Variants in DNAAF11 observed in about 807,000 individuals in gnomAD.
The protein encoded by DNAAF11 is leucine rich repeat containing 6.
DNAAF11 carries 45 observed loss-of-function variants against 60.8 expected under a neutral mutation model. That is an observed-to-expected ratio of 0.74 (90% CI 0.58 to 0.95). DNAAF11 has a LOEUF of 0.95. Among genes scored for constraint, DNAAF11 ranks in the 40% least tolerant of loss-of-function variants. DNAAF11 has a pLI of 0.00. For missense variants in DNAAF11, 546 were observed against 546.2 expected (o/e 1.00, Z 0.00); for synonymous variants, 191 against 183.5 (o/e 1.04, Z -0.33).
upstream of DNAAF11, among the ~76,000 whole-genome samples, chr8:132,679,176 C>G (rs1748491895): frequency 6.6e-6 from 1 of 152,210 alleles, no homozygotes; most frequent in Admixed American, 6.5e-5. Context: ...TAATTCTATA[C>G]TGCATCATTT....
intron 3 of DNAAF11, among the ~76,000 whole-genome samples, chr8:132,655,015 G>A (rs1383967793): frequency 1.3e-5 from 2 of 151,500 alleles, no homozygotes; most frequent in South Asian, 2.1e-4. Context: ...ACCGTTAGCT[G>A]CACATTAACC....
chr8:132,674,948 G>A (rs546030400), intron 1 of DNAAF11, among the ~76,000 whole-genome samples: 37 of 152,312 alleles, frequency 2.4e-4, no homozygotes, highest in African/African-American at 8.7e-4. Flanking sequence ...TAGTATGATT[G>A]CCATTATTTT....
intron 1 of DNAAF11, among the ~76,000 whole-genome samples, chr8:132,662,755 A>G (rs761216749): frequency 6.6e-6 from 1 of 152,202 alleles, no homozygotes; most frequent in African/African-American, 2.4e-5. Flanking sequence ...ACTATGCTCC[A>G]CTGTCTCAAG....
At chr8:132,683,198 G>A in the DNAAF11 span, among the ~76,000 whole-genome samples, 1 of 152,136 alleles carries the variant, frequency 6.6e-6, no homozygotes, top group Non-Finnish European at 1.5e-5. Context: ...TGAAGCAGGG[G>A]TCAATGACCA....
At chr8:132,597,557 T>G (rs1817148395) in intron 10 of DNAAF11, among the ~76,000 whole-genome samples, 2 of 152,158 alleles carry the variant, frequency 1.3e-5, no homozygotes, top group African/African-American at 4.8e-5. Flanking sequence ...ATTATTTAAG[T>G]GACATTTGTT....
intron 5 of DNAAF11, among the ~76,000 whole-genome samples, chr8:132,628,935 G>GA (rs1820538356): frequency 1.3e-5 from 2 of 152,142 alleles, no homozygotes; most frequent in African/African-American, 2.4e-5. Flanking sequence ...AAAACACCAG[G>GA]AAAAAATACA....
chr8:132,583,491 T>C (rs548045979), intron 11 of DNAAF11, among the ~76,000 whole-genome samples: 1 of 152,318 alleles, frequency 6.6e-6, no homozygotes, highest in South Asian at 2.1e-4. Flanking sequence ...CATTGGGACC[T>C]GTATATACAC....
At chr8:132,637,898 T>C in intron 4 of DNAAF11, 37 bp downstream of exon 4, 2 of 1,554,372 alleles carry the variant, frequency 1.3e-6, no homozygotes, top group Non-Finnish European at 1.7e-6. Flanking sequence ...CTCATGCTCA[T>C]TTATCTGTGA....
chr8:132,640,767 T>C (rs750456580), intron 3 of DNAAF11, among the ~76,000 whole-genome samples: 1 of 151,972 alleles, frequency 6.6e-6, no homozygotes, highest in African/African-American at 2.4e-5. Flanking sequence ...AATCTCCTTA[T>C]AAACTGATTA....
At chr8:132,680,512 T>A (rs930055742), upstream of DNAAF11, among the ~76,000 whole-genome samples, 5 of 152,096 alleles carry the variant, frequency 3.3e-5, no homozygotes, top group Admixed American at 3.3e-4. Flanking sequence ...TAATTTCTTA[T>A]TTTTTTATGA....
rs771394029 is a variant in DNAAF11, at chr8:132,615,073, G to A, written c.939C>T (p.Asn313=). 13 of 1,607,388 alleles carry A rather than the reference G, an allele frequency of 8.1e-6. No individual in the cohort carries two copies. Among genetic ancestry groups the A allele is most frequent in the Admixed American group, 6.7e-5 (4 of 59,876 alleles). ...EPKIDFSLKD[N]EKQIILDLAV... ...CAAGGTCCAGGATGATCTGCTTTTC[G>A]TTATCTTTCAAAGAGAAGTCAATTC... The change falls in exon 8 of 12, where the codon AAC becomes AAT. Residue 313 remains asparagine (N), a synonymous_variant. Transcript: ENST00000620350.
At chr8:132,698,944 A>ATATTTTGTGTGTGTGTG in the DNAAF11 span, among the ~76,000 whole-genome samples, 16 of 142,542 alleles carry the variant, frequency 1.1e-4, 1 homozygote, top group African/African-American at 3.3e-4. Flanking sequence ...ATACATATAT[A>ATATTTTGTGTGTGTGTG]TATATATATA....
intron 6 of DNAAF11, 43 bp downstream of exon 6, chr8:132,625,229 A>C: frequency 1.4e-6 from 2 of 1,420,034 alleles, no homozygotes; most frequent in Non-Finnish European, 1.9e-6. Context: ...AATATAGTTG[A>C]TAAGTGGCTA....
At chr8:132,606,851 A>G (rs183987563) in intron 10 of DNAAF11, among the ~76,000 whole-genome samples, 13 of 152,350 alleles carry the variant, frequency 8.5e-5, no homozygotes, top group Admixed American at 8.5e-4. Context: ...GAGTATAAAG[A>G]AAGGAAATAT....
At chr8:132,666,172 T>C (rs1824607260) in intron 1 of DNAAF11, among the ~76,000 whole-genome samples, 1 of 152,172 alleles carries the variant, frequency 6.6e-6, no homozygotes, top group Non-Finnish European at 1.5e-5. Flanking sequence ...AGGGGTTCAC[T>C]TGAAGCTCAG....
intron 11 of DNAAF11, among the ~76,000 whole-genome samples, chr8:132,582,190 C>T (rs1815412284): frequency 6.6e-6 from 1 of 152,136 alleles, no homozygotes; most frequent in Admixed American, 6.5e-5. Flanking sequence ...GCTGGGATAA[C>T]GTGCACAATA....
In DNAAF11 at chr8:132,611,354, A is replaced by C; in HGVS notation, c.984T>G (p.Asp328Glu). 1 of 1,596,858 alleles carries C rather than the reference A, an allele frequency of 6.3e-7. No individual in the cohort carries two copies. Residue 328 changes from aspartate (D) to glutamate (E), a missense_variant, in exon 9 of 12, where the codon GAT becomes GAG. Transcript: ENST00000620350. ...ILDLAVYRYM[D>E]TSLIDVDVQP... ...GCACATCAACATCGATTAAAGAGGT[A>C]TCCATATACCTTCAAAATTAAACAC...
At chr8:132,590,208 G>A (rs1816319015) in intron 10 of DNAAF11, among the ~76,000 whole-genome samples, 1 of 152,224 alleles carries the variant, frequency 6.6e-6, no homozygotes, top group Admixed American at 6.5e-5. Context: ...GGGAGGCAAT[G>A]GAGGGAAGCT....
At chr8:132,696,700 T>C in the DNAAF11 span, among the ~76,000 whole-genome samples, 1 of 152,216 alleles carries the variant, frequency 6.6e-6, no homozygotes, top group Non-Finnish European at 1.5e-5. Context: ...CATGGAATAC[T>C]ATGCAGCCAT....
Sources: gnomAD v4.1 joint callset for allele counts (sites outside exome capture counted in the v4.1 genomes callset) on GRCh38, gnomAD v4.1.1 for gene constraint, MANE v1.5 for transcripts, NCBI Gene and HGNC (gene_info 2026-07-23, HGNC 2026-07-21) for gene names.